Variants in CMIP observed in about 807,000 individuals in gnomAD.
CMIP encodes the protein c-Maf inducing protein.
CMIP carries 13 observed loss-of-function variants against 97.3 expected under a neutral mutation model. That is an observed-to-expected ratio of 0.13 (90% CI 0.09 to 0.21). CMIP has a LOEUF of 0.21. CMIP is among the 10% of genes least tolerant of loss of function. The pLI, the probability that CMIP is intolerant of heterozygous loss-of-function variation, is 1.00. For missense variants in CMIP, 847 were observed against 1,024.9 expected, an observed-to-expected ratio of 0.83 and a Z score of 2.37; for synonymous variants, 538 against 436.3, an observed-to-expected ratio of 1.23 and a Z score of -2.91.
intron 1 of CMIP, among the ~76,000 whole-genome samples, chr16:81,537,036 AT>A (rs1389265279): frequency 6.6e-6 from 1 of 151,970 alleles, no homozygotes; most frequent in Non-Finnish European, 1.5e-5. Context: ...GGCATGTATG[AT>A]TTTGTCTGGC....
intron 9 of CMIP, among the ~76,000 whole-genome samples, chr16:81,674,071 C>T (rs943285403): frequency 6.6e-6 from 1 of 152,136 alleles, no homozygotes; most frequent in African/African-American, 2.4e-5. Context: ...TGCAGCAGGG[C>T]ATGAGAGAGG....
chr16:81,479,898 C>T (rs1453186381), intron 1 of CMIP, among the ~76,000 whole-genome samples: 2 of 152,132 alleles, frequency 1.3e-5, no homozygotes, highest in Non-Finnish European at 2.9e-5. Flanking sequence ...GAAAGAAAAT[C>T]CTGGCCAGCT....
chr16:81,567,212 G>A (rs1361589102), intron 1 of CMIP, among the ~76,000 whole-genome samples: 2 of 152,258 alleles, frequency 1.3e-5, no homozygotes, highest in Admixed American at 6.5e-5. Context: ...AGGCTTTGCC[G>A]CCTGGCGGAA....
chr16:81,667,799 A>AGAGAGAGAGAGAGT, intron 7 of CMIP, among the ~76,000 whole-genome samples: 45 of 58,136 alleles, frequency 7.7e-4, no homozygotes, highest in Non-Finnish European at 1.0e-3. Flanking sequence ...AGAGAGAGAG[A>AGAGAGAGAGAGAGT]GTGTGTGTGT....
At position 81,670,983 on chromosome 16, in the gene CMIP, G is replaced by A. The variant is rs542732035; in HGVS notation, c.929+738G>A. Among the ~76,000 whole-genome samples, 21 of 152,016 alleles carry A rather than the reference G, an allele frequency of 1.4e-4. 1 individual carries two copies. The highest frequency in any genetic ancestry group is 4.1e-4 in the African/African-American group (17 of 41,468). On this transcript the variant is annotated intron_variant, in intron 8 of 20. Coordinates refer to ENST00000537098, the MANE Select transcript of CMIP (RefSeq NM_198390.3). Reference sequence around the variant, plus strand: ...AGCTGGGATTACAGGCACACGTTACGACTCCTGGCTAATTTTTGTATTTTT... The same window carrying A: ...AGCTGGGATTACAGGCACACGTTACAACTCCTGGCTAATTTTTGTATTTTT...
chr16:81,569,620 C>T (rs575788886), intron 1 of CMIP, among the ~76,000 whole-genome samples: 2 of 152,308 alleles, frequency 1.3e-5, no homozygotes, highest in African/African-American at 4.8e-5. Context: ...GGGGAAGTCC[C>T]GATTTGCAAT....
intron 1 of CMIP, among the ~76,000 whole-genome samples, chr16:81,527,533 A>G (rs186321664): frequency 2.0e-5 from 3 of 152,336 alleles, no homozygotes; most frequent in Admixed American, 6.5e-5. Context: ...TCATGGACCT[A>G]CCACCAGGCT....
chr16:81,473,366 A>G (rs1907676417), intron 1 of CMIP, among the ~76,000 whole-genome samples: 1 of 152,204 alleles, frequency 6.6e-6, no homozygotes, highest in Admixed American at 6.5e-5. Context: ...GACGGATTTC[A>G]GGACTGAGCT....
intron 1 of CMIP, among the ~76,000 whole-genome samples, chr16:81,590,830 TC>T (rs2091455799): frequency 8.5e-6 from 1 of 117,764 alleles, no homozygotes; most frequent in African/African-American, 6.7e-5. Flanking sequence ...CTCTCATCCA[TC>T]CATCCATCCA....
At chr16:81,562,503 G>A (rs1290705636) in intron 1 of CMIP, among the ~76,000 whole-genome samples, 2 of 152,280 alleles carry the variant, frequency 1.3e-5, no homozygotes, top group Non-Finnish European at 2.9e-5. Flanking sequence ...CCAGCTGCGG[G>A]CCTCTTGGAC....
intron 1 of CMIP, among the ~76,000 whole-genome samples, chr16:81,463,671 T>C (rs1201470107): frequency 6.6e-6 from 1 of 152,310 alleles, no homozygotes; most frequent in South Asian, 2.1e-4. Context: ...CAGGCACTTA[T>C]TCAGCCCCCT....
chr16:81,451,664 C>G (rs1055442849), intron 1 of CMIP, among the ~76,000 whole-genome samples: 2 of 152,316 alleles, frequency 1.3e-5, no homozygotes, highest in South Asian at 2.1e-4. Flanking sequence ...AGGGATCCCC[C>G]TCAGAGGGTC....
chr16:81,598,968 C>CAAAAAAAAAAAAAAAAAAAAAAAAAAA (rs141717317), intron 1 of CMIP, among the ~76,000 whole-genome samples: 1 of 49,854 alleles, frequency 2.0e-5, no homozygotes, highest in African/African-American at 8.0e-5. Context: ...GACTCTGTCT[C>CAAAAAAAAAAAAAAAAAAAAAAAAAAA]AAAAAAAAAA....
chr16:81,448,669 T>A, intron 1 of CMIP, among the ~76,000 whole-genome samples: 1 of 152,236 alleles, frequency 6.6e-6, no homozygotes, highest in East Asian at 1.9e-4. Context: ...CTAATGTGGC[T>A]TGTGACGGCC....
chr16:81,495,704 T>C (rs540391261), intron 1 of CMIP, among the ~76,000 whole-genome samples: 41 of 152,280 alleles, frequency 2.7e-4, no homozygotes, highest in Admixed American at 5.9e-4. Flanking sequence ...GGGCTGCTGC[T>C]CTTTGGAGGA....
intron 1 of CMIP, among the ~76,000 whole-genome samples, chr16:81,557,070 C>T (rs913469562): frequency 3.9e-5 from 6 of 152,202 alleles, no homozygotes; most frequent in East Asian, 1.9e-4. Flanking sequence ...TTGCTTGTGA[C>T]GAAAATGTTC....
At chr16:81,461,114 T>A (rs1906872830) in intron 1 of CMIP, among the ~76,000 whole-genome samples, 1 of 152,198 alleles carries the variant, frequency 6.6e-6, no homozygotes, top group African/African-American at 2.4e-5. Flanking sequence ...CCCATTGTTC[T>A]GCAGCTTCTG....
At chr16:81,707,188 T>C (rs1908246908) in intron 20 of CMIP, 104 bp downstream of exon 20, 2 of 900,392 alleles carry the variant, frequency 2.2e-6, no homozygotes, top group Non-Finnish European at 1.8e-6. Flanking sequence ...TAAAGGATGA[T>C]GACATCTACA....
chr16:81,655,577 G>A lies in CMIP; in HGVS notation c.640-2198G>A, dbSNP rs62043836. Among the ~76,000 whole-genome samples, 1 of 152,152 alleles carries A rather than the reference G, an allele frequency of 6.6e-6. No homozygotes were observed. The highest frequency in any genetic ancestry group is 1.5e-5 in the Non-Finnish European group (1 of 68,032). On this transcript the variant is annotated intron_variant, in intron 4 of 20. Coordinates refer to ENST00000537098, the MANE Select transcript of CMIP (RefSeq NM_198390.3). This position sits in a 1 kb window ranked among gnomAD's most constrained non-coding sequence, Gnocchi z 4.9. ...GAGAAGGCTCCCTGTAGAATGCATG[G>A]GCTGTCCTGTGACTGGGACAAAGGA...
Sources: allele counts gnomAD v4.1 joint callset (sites outside exome capture counted in the v4.1 genomes callset), GRCh38; gene constraint gnomAD v4.1.1; non-coding constraint Gnocchi (gnomAD v3.1); transcripts MANE v1.5; gene names NCBI Gene and HGNC (gene_info 2026-07-23, HGNC 2026-07-21).